The following PRRG3 variants were observed in gnomAD, a reference collection of about 807,000 sequenced individuals.
PRRG3 encodes the protein transmembrane gamma-carboxyglutamic acid protein 3.
PRRG3 carries 21 observed loss-of-function variants against 15.8 expected under a neutral mutation model. The ratio of observed to expected loss-of-function variants is 1.33; its 90% CI spans 0.94 to 1.92. PRRG3 has a LOEUF of 1.92. Ranked by LOEUF, PRRG3 falls within the 40% of genes most tolerant of loss-of-function variation. The probability of loss-of-function intolerance (pLI) is 0.00; values close to 1 mark genes in which losing one functional copy is unlikely to be tolerated. For synonymous variants in PRRG3, 125 were observed against 84.1 expected, an observed-to-expected ratio of 1.49 and a Z score of -2.66; for missense variants, 251 against 200.2, an observed-to-expected ratio of 1.25 and a Z score of -1.53.
chrX:151,700,252 A>C, intron 3 of PRRG3, 96 bp downstream of exon 3: 2 of 1,198,205 alleles, frequency 1.7e-6, no homozygotes, highest in Non-Finnish European at 2.3e-6. Flanking sequence ...AAGCAAGGAA[A>C]GACACCCAGC....
In PRRG3 at chrX:151,701,583, C is replaced by G. The variant is rs1023799683; in HGVS notation, c.*550C>G. ...AATCATGACAAATAAATAATTAACA[C>G]AATAGAACAAAACTCTAGCACCCGG... On this transcript the variant is annotated 3_prime_UTR_variant, in exon 4 of 4. Coordinates refer to ENST00000674457, the MANE Select transcript of PRRG3 (RefSeq NM_001372163.1). 4 of 112,632 alleles carry G rather than the reference C, an allele frequency of 3.6e-5. No individual in the cohort carries two copies. The highest frequency in any genetic ancestry group is 1.3e-4 in the African/African-American group (4 of 30,919). The allele number at this position is 112,632 out of a possible 1,213,427, so 9.3% of individuals were successfully genotyped here. A position where few individuals can be genotyped will look rare whatever the true frequency, so the allele number is the denominator to read the frequency against.
Position 151,702,265 on chromosome X carries a change from TA to T in PRRG3, c.*1236del, listed in dbSNP as rs1163175855. ...GCGTCTATTGGCAACCACAGCAATTTAAAATCCACTGAGCTGACAAGCTTTT... is the reference window on the plus strand; with the variant it reads ...GCGTCTATTGGCAACCACAGCAATTTAAATCCACTGAGCTGACAAGCTTTT... On this transcript the variant is annotated 3_prime_UTR_variant, in exon 4 of 4. Coordinates refer to ENST00000674457, the MANE Select transcript of PRRG3 (RefSeq NM_001372163.1). 8.9e-6 allele frequency: 1 copy of T among 112,817 alleles called. No homozygotes were observed. The highest frequency in any genetic ancestry group is 1.9e-5 in the Non-Finnish European group (1 of 53,350). The allele number at this position is 112,817 out of a possible 1,213,427, so 9.3% of individuals were successfully genotyped here.
At chrX:151,697,711 T>C (rs764671145) in intron 1 of PRRG3, among the ~76,000 whole-genome samples, 66 of 108,572 alleles carry the variant, frequency 6.1e-4, no homozygotes, top group Non-Finnish European at 9.3e-4. Context: ...TTGCATCCAG[T>C]TAGTCATCAA....
At position 151,700,918 on chromosome X, in the gene PRRG3, A is replaced by G; in HGVS notation, c.581A>G (p.Tyr194Cys). Residue 194 changes from tyrosine (Y) to cysteine (C), a missense_variant, in exon 4 of 4, where the codon TAC becomes TGC. By Grantham distance (194) the Tyr-to-Cys change is radical (BLOSUM62 -2). Coordinates refer to ENST00000674457, the MANE Select transcript of PRRG3 (RefSeq NM_001372163.1). ...TCCAGCACCACCCCTCCCCCCTCCT[A>G]CGAGGAGGTGACTGCGCCCCAAGAG... ...RLSSTTPPPS[Y>C]EEVTAPQESS... 1 of 1,209,009 alleles carries G rather than the reference A, an allele frequency of 8.3e-7. No individual in the cohort carries two copies. The highest frequency in any genetic ancestry group is 1.1e-6 in the Non-Finnish European group (1 of 893,971).
chrX:151,698,372 T>C (rs41301311), intron 1 of PRRG3: 2,101 of 117,661 alleles, frequency 0.018, 61 homozygotes, highest in Admixed American at 0.088. Context: ...AGCCCGTCTC[T>C]CTGGGCTGTA....
intron 3 of PRRG3, 26 bp downstream of exon 3, chrX:151,700,182 T>G: frequency 8.3e-7 from 1 of 1,211,908 alleles, no homozygotes; most frequent in Non-Finnish European, 1.1e-6. Context: ...GGGCTGGTTC[T>G]GGGAGTAGGA....
At position 151,699,076 on chromosome X, in the gene PRRG3, G is replaced by T. The variant is rs5925009; in HGVS notation, c.7+255G>T. Among the ~76,000 whole-genome samples, 219 of 113,205 alleles carry T rather than the reference G, an allele frequency of 1.9e-3. 1 individual carries two copies. The highest frequency in any genetic ancestry group is 3.3e-3 in the Non-Finnish European group (176 of 53,386). On this transcript the variant is annotated intron_variant, in intron 2 of 3. Transcript: ENST00000674457. ...TGACAGGCCATAGGGCCTGGGGAAG[G>T]GTGCCTGCCTGCTGGCAAAGACATG...
At position 151,703,640 on chromosome X, in the gene PRRG3, G is replaced by C. The variant is rs1410238417; in HGVS notation, c.*2607G>C. The stretch of plus-strand genomic sequence containing the variant: ...GCCTGATGACAGGGCCCTGAGCAAG[G>C]AAACGTGGCATTAACTATATTGGAC... On this transcript the variant is annotated 3_prime_UTR_variant, in exon 4 of 4. Coordinates refer to ENST00000674457, the MANE Select transcript of PRRG3 (RefSeq NM_001372163.1). The C allele has an allele frequency of 9.0e-6, 1 of 111,101 alleles. No individual in the cohort carries two copies. Among genetic ancestry groups the C allele is most frequent in the Non-Finnish European group, 1.9e-5 (1 of 53,044 alleles). The allele number at this position is 111,101 out of a possible 1,213,427, so 9.2% of individuals were successfully genotyped here.
chrX:151,700,113 G>A lies in PRRG3; in HGVS notation c.125G>A (p.Ser42Asn), dbSNP rs772727144. 3.3e-6 allele frequency: 4 copies of A among 1,212,026 alleles called. No homozygotes were observed. The South Asian group carries it at 5.3e-5, about 16-fold the overall frequency. The part of the protein sequence containing the change: ...IERECMEEIC[S>N]YEEVKEVFEN... The stretch of plus-strand genomic sequence containing the variant: ...CGAGAGTGCATGGAGGAGATCTGCA[G>A]CTACGAGGAGGTCAAGGAAGTGTTT... Residue 42 changes from serine (S) to asparagine (N), a missense_variant, in exon 3 of 4, where the codon AGC becomes AAC. Transcript: ENST00000674457.
chrX:151,698,243 GC>G (rs1356374805), intron 1 of PRRG3: 2 of 112,334 alleles, frequency 1.8e-5, no homozygotes, highest in African/African-American at 6.5e-5. Context: ...GCTGTGTTAA[GC>G]TTTGTTTTCA....
intron 2 of PRRG3, among the ~76,000 whole-genome samples, 181 bp from the exon 3 acceptor site, chrX:151,699,815 C>T (rs2014830555): frequency 8.9e-6 from 1 of 112,861 alleles, no homozygotes; most frequent in African/African-American, 3.2e-5. Flanking sequence ...CATAGAATGT[C>T]AGCCCTTCCA....
In PRRG3 at chrX:151,700,943, G is replaced by A. The variant is rs374404259; in HGVS notation, c.606G>A (p.Glu202=). Residue 202 remains glutamate (E), a synonymous_variant, in exon 4 of 4, where the codon GAG becomes GAA. Transcript: ENST00000674457. ...PSYEEVTAPQ[E]SSSEEASVSY... ...ACGAGGAGGTGACTGCGCCCCAAGA[G>A]AGCAGCAGTGAGGAGGCCAGCGTGT... 317 of 1,207,932 alleles carry A rather than the reference G, an allele frequency of 2.6e-4. No homozygotes were observed. Among genetic ancestry groups the A allele is most frequent in the Non-Finnish European group, 3.4e-4 (308 of 894,078 alleles).
In PRRG3 at chrX:151,703,055, A is replaced by G. The variant is rs2014911631; in HGVS notation, c.*2022A>G. The G allele has an allele frequency of 8.9e-6, 1 of 112,848 alleles. No homozygotes were observed. The highest frequency in any genetic ancestry group is 3.6e-4 in the South Asian group (1 of 2,759). 9.3% of individuals were successfully genotyped at this position (112,848 alleles called of 1,213,427 possible). ...GATCAGAGCCAAAGGGAGTTTGCCA[A>G]GAAATGCCCGCTGCCTTTGGCATCT... On this transcript the variant is annotated 3_prime_UTR_variant, in exon 4 of 4. Transcript: ENST00000674457.
Position 151,705,191 on chromosome X carries a change from G to A in PRRG3, c.*4158G>A, listed in dbSNP as rs1267845533. ...TTCACTCTACTCCGTTATTTATCCT[G>A]TGAATAACATAGTTTGTGAACTAGA... On this transcript the variant is annotated 3_prime_UTR_variant, in exon 4 of 4. Transcript: ENST00000674457. The A allele has an allele frequency of 9.6e-6, 3 of 313,193 alleles. No homozygotes were observed. The highest frequency in any genetic ancestry group is 2.0e-4 in the East Asian group (2 of 10,019). 25.8% of individuals were successfully genotyped at this position (313,193 alleles called of 1,213,427 possible).
intron 3 of PRRG3, 63 bp downstream of exon 3, chrX:151,700,219 C>G: frequency 1.7e-6 from 2 of 1,208,752 alleles, no homozygotes; most frequent in Non-Finnish European, 2.2e-6. Flanking sequence ...CAAGAACAGG[C>G]CCTGGTAATG....
upstream of PRRG3, among the ~76,000 whole-genome samples, chrX:151,694,798 C>A (rs948691109): frequency 8.9e-6 from 1 of 111,907 alleles, no homozygotes; most frequent in Non-Finnish European, 1.9e-5. Flanking sequence ...GGACGCCTGG[C>A]GCGCGGGCCT....
intron 1 of PRRG3, among the ~76,000 whole-genome samples, chrX:151,696,750 G>T (rs185348950): frequency 1.4e-3 from 152 of 109,914 alleles, no homozygotes; most frequent in African/African-American, 4.5e-3. Context: ...ACCACATAAA[G>T]CTCAGGTATC....
In PRRG3 at chrX:151,700,799, C is replaced by T. The variant is rs755150330; in HGVS notation, c.462C>T (p.Ser154=). The change falls in exon 4 of 4, where the codon AGC becomes AGT. Residue 154 remains serine (S), a synonymous_variant. Transcript: ENST00000674457. ...CTGGGCACCGAGAGGCAGCGAACAG[C>T]CCCCAGGTGGTGCTGGGGCCCAGTC... ...EPSGHREAAN[S]PQVVLGPSRG... is the part of the protein sequence containing the mutation. 2.2e-5 allele frequency: 26 copies of T among 1,189,414 alleles called. No homozygotes were observed. The highest frequency in any genetic ancestry group is 2.0e-4 in the Admixed American group (9 of 44,110).
Position 151,702,170 on chromosome X carries a change from A to G in PRRG3, c.*1137A>G, listed in dbSNP as rs2014898002. 1 of 112,286 alleles carries G rather than the reference A, an allele frequency of 8.9e-6. No homozygotes were observed. Among genetic ancestry groups the G allele is most frequent in the Non-Finnish European group, 1.9e-5 (1 of 53,279 alleles). The allele number at this position is 112,286 out of a possible 1,213,427, so 9.3% of individuals were successfully genotyped here. A position where few individuals can be genotyped will look rare whatever the true frequency, so the allele number is the denominator to read the frequency against. On this transcript the variant is annotated 3_prime_UTR_variant, in exon 4 of 4. Transcript: ENST00000674457. Reference sequence around the variant, plus strand: ...TCTCCATCCTCCTGACCTCAACACCAAACCATTTCTCCTCTGTGGTGCTTT... The same window carrying G: ...TCTCCATCCTCCTGACCTCAACACCGAACCATTTCTCCTCTGTGGTGCTTT...
Sources: allele counts gnomAD v4.1 joint callset (sites outside exome capture counted in the v4.1 genomes callset), GRCh38; gene constraint gnomAD v4.1.1; transcripts MANE v1.5; gene names NCBI Gene and HGNC (gene_info 2026-07-23, HGNC 2026-07-21).